ZNF514: variants seen among roughly 807,000 people sequenced by gnomAD.
ZNF514 encodes zinc finger protein 514.
ZNF514 carries 12 observed loss-of-function variants against 9.7 expected under a neutral mutation model. That is an observed-to-expected ratio of 1.24 (90% CI 0.79 to 2.01). ZNF514 has a LOEUF of 2.01. Ranked by LOEUF, ZNF514 falls within the 30% of genes most tolerant of loss-of-function variation. The pLI is 0.00. For missense variants in ZNF514, 467 were observed against 465.5 expected, an observed-to-expected ratio of 1.00 and a Z score of -0.03; for synonymous variants, 158 against 163.7, an observed-to-expected ratio of 0.97 and a Z score of 0.27.
chr2:95,141,590 A>T (rs1461771638), downstream of ZNF514, among the ~76,000 whole-genome samples: 2 of 152,234 alleles, frequency 1.3e-5, no homozygotes, highest in Admixed American at 6.5e-5. Flanking sequence ...GGTTGAGGCC[A>T]CCTTCCCGCA....
At chr2:95,144,569 T>A (rs970998684), downstream of ZNF514, among the ~76,000 whole-genome samples, 30 of 152,272 alleles carry the variant, frequency 2.0e-4, no homozygotes, top group African/African-American at 6.3e-4. Flanking sequence ...AGCTTTGCAT[T>A]TGGGGTACTC....
At chr2:95,152,975 G>A (rs1673585282) in intron 3 of ZNF514, among the ~76,000 whole-genome samples, 158 bp downstream of exon 3, 1 of 152,168 alleles carries the variant, frequency 6.6e-6, no homozygotes, top group African/African-American at 2.4e-5. Context: ...CAGAAATACT[G>A]TATCACTGGG....
At chr2:95,159,152 A>C (rs1489770827) in intron 1 of ZNF514, 88 bp downstream of exon 1, 1 of 578,146 alleles carries the variant, frequency 1.7e-6, no homozygotes, top group African/African-American at 2.0e-5. Context: ...TGCAGGGCCC[A>C]GAGCAGGGCC....
chr2:95,134,181 G>A, the ZNF514 span, among the ~76,000 whole-genome samples: 1 of 152,056 alleles, frequency 6.6e-6, no homozygotes, highest in African/African-American at 2.4e-5. Context: ...TAAACTTTGT[G>A]ATTTTTACAA....
chr2:95,124,668 T>C, the ZNF514 span, among the ~76,000 whole-genome samples: 1 of 151,692 alleles, frequency 6.6e-6, no homozygotes, highest in Non-Finnish European at 1.5e-5. Flanking sequence ...ACTCAGCTAA[T>C]TTTTTGTATT....
At chr2:95,134,650 C>T in the ZNF514 span, among the ~76,000 whole-genome samples, 1 of 152,176 alleles carries the variant, frequency 6.6e-6, no homozygotes, top group South Asian at 2.1e-4. Flanking sequence ...GTCTGTCACC[C>T]TAGCTTAAAG....
At chr2:95,131,734 G>A in the ZNF514 span, among the ~76,000 whole-genome samples, 1 of 152,126 alleles carries the variant, frequency 6.6e-6, no homozygotes, top group African/African-American at 2.4e-5. Context: ...GGAAGAACTG[G>A]ACAACCACAG....
the ZNF514 span, among the ~76,000 whole-genome samples, chr2:95,138,054 T>C: frequency 6.6e-5 from 10 of 152,340 alleles, no homozygotes; most frequent in Non-Finnish European, 1.3e-4. Context: ...CCTGAGCCCA[T>C]ACCCAGAAGC....
intron 2 of ZNF514, chr2:95,155,104 T>C (rs188161327): frequency 6.6e-6 from 1 of 152,220 alleles, no homozygotes; most frequent in Non-Finnish European, 1.5e-5. Flanking sequence ...AAAAGCTGAT[T>C]AAGTTTTTTA....
chr2:95,127,797 C>T, the ZNF514 span, among the ~76,000 whole-genome samples: 2 of 152,052 alleles, frequency 1.3e-5, no homozygotes, highest in African/African-American at 2.4e-5. Flanking sequence ...TTAGTAGAGA[C>T]AGGATTTTAG....
At chr2:95,134,774 A>G in the ZNF514 span, among the ~76,000 whole-genome samples, 11 of 152,208 alleles carry the variant, frequency 7.2e-5, no homozygotes, top group African/African-American at 2.7e-4. Flanking sequence ...TTATTTTTGT[A>G]TATTGGGTTA....
the ZNF514 span, among the ~76,000 whole-genome samples, chr2:95,129,533 T>C: frequency 3.9e-5 from 6 of 152,304 alleles, no homozygotes; most frequent in South Asian, 1.2e-3. Context: ...ATTCCTACTA[T>C]GTGTGGCTGA....
Position 95,145,724 on chromosome 2 carries a change from T to C in ZNF514, c.*3558A>G, listed in dbSNP as rs1414698026. ...GTAAATCTTACATGTATTGATGTCT[T>C]ACATTCCCCTAAAATGTAAAAATGC... is the stretch of plus-strand genomic sequence containing the variant. On this transcript the variant is annotated 3_prime_UTR_variant, in exon 5 of 5. Transcript: ENST00000295208. Among the ~76,000 whole-genome samples the C allele has an allele frequency of 6.6e-6, 1 of 152,236 alleles. No individual in the cohort carries two copies. Among genetic ancestry groups the C allele is most frequent in the Non-Finnish European group, 1.5e-5 (1 of 68,040 alleles).
chr2:95,148,418 C>T lies in ZNF514; in HGVS notation c.*864G>A, dbSNP rs12479362. On this transcript the variant is annotated 3_prime_UTR_variant, in exon 5 of 5. Coordinates refer to ENST00000295208, the MANE Select transcript of ZNF514 (RefSeq NM_032788.3). ...GTGATTTCTCAGCTTCTTTTCAGCT[C>T]TAGTTTTATACATCTCAAGTTGGAA... The T allele has an allele frequency of 3.3e-5, 5 of 152,238 alleles. No homozygotes were observed. Among genetic ancestry groups the T allele is most frequent in the Admixed American group, 1.3e-4 (2 of 15,286 alleles). 9.4% of individuals were successfully genotyped at this position (152,238 alleles called of 1,614,324 possible).
the ZNF514 span, among the ~76,000 whole-genome samples, chr2:95,125,228 CT>C: frequency 0.016 from 1,951 of 125,124 alleles, 11 homozygotes; most frequent in Middle Eastern, 0.027. Flanking sequence ...AATTGCCATC[CT>C]TTTTTTTTTT....
chr2:95,123,490 G>A, the ZNF514 span, among the ~76,000 whole-genome samples: 1 of 152,220 alleles, frequency 6.6e-6, no homozygotes, highest in African/African-American at 2.4e-5. Flanking sequence ...AAGCATCCCA[G>A]AGTGGGATTG....
At chr2:95,126,981 C>G in the ZNF514 span, among the ~76,000 whole-genome samples, 2 of 152,136 alleles carry the variant, frequency 1.3e-5, no homozygotes, top group African/African-American at 4.8e-5. Flanking sequence ...CCACCAATCA[C>G]CTGATCTCTT....
At chr2:95,153,319 GA>G in intron 2 of ZNF514, 60 bp from the exon 3 acceptor site, 1 of 1,540,734 alleles carries the variant, frequency 6.5e-7, no homozygotes, top group Non-Finnish European at 8.8e-7. Context: ...AAACTGCTAG[GA>G]AATATAATCA....
chr2:95,133,249 G>A, the ZNF514 span, among the ~76,000 whole-genome samples: 3 of 152,264 alleles, frequency 2.0e-5, no homozygotes, highest in South Asian at 2.1e-4. Context: ...TGGGAGAATC[G>A]CTTAAGCCCA....
Sources: gnomAD v4.1 joint callset for allele counts (sites outside exome capture counted in the v4.1 genomes callset) on GRCh38, gnomAD v4.1.1 for gene constraint, MANE v1.5 for transcripts, NCBI Gene and HGNC (gene_info 2026-07-23, HGNC 2026-07-21) for gene names.